COL24A1: variants seen among roughly 807,000 people sequenced by gnomAD.
The protein encoded by COL24A1 is collagen alpha-1(XXIV) chain.
In COL24A1, 224 loss-of-function variants were observed where a neutral mutation model predicts 253.9. That is an observed-to-expected ratio of 0.88 (90% CI 0.79 to 0.99). The LOEUF is 0.99. Ranked by LOEUF, COL24A1 falls within the 50% of genes least tolerant of loss-of-function variation. COL24A1 has a pLI of 0.00. For synonymous variants in COL24A1, 685 were observed against 673.7 expected (o/e 1.02, Z -0.26); for missense variants, 2,131 against 2,068.5 (o/e 1.03, Z -0.59).
chr1:86,046,728 C>T (rs1571729275), intron 12 of COL24A1, 97 bp downstream of exon 12: 1 of 1,458,004 alleles, frequency 6.9e-7, no homozygotes, highest in Non-Finnish European at 9.5e-7. Context: ...TAAACAACAA[C>T]AAAAAGCAAA....
chr1:85,841,055 C>T (rs1489798960), intron 42 of COL24A1, among the ~76,000 whole-genome samples, 167 bp downstream of exon 42: 3 of 151,998 alleles, frequency 2.0e-5, no homozygotes, highest in Admixed American at 1.3e-4. Flanking sequence ...ATATTAAAGA[C>T]TTTAATATCA....
At chr1:85,747,101 CTTTTTTTTT>C (rs34758363) in intron 55 of COL24A1, among the ~76,000 whole-genome samples, 4 of 111,278 alleles carry the variant, frequency 3.6e-5, no homozygotes, top group East Asian at 2.7e-4. Flanking sequence ...TGAATTATAA[CTTTTTTTTT>C]TTTTTTTTTT....
chr1:85,874,425 A>C (rs1680895951), intron 35 of COL24A1, among the ~76,000 whole-genome samples: 1 of 152,220 alleles, frequency 6.6e-6, no homozygotes, highest in South Asian at 2.1e-4. Context: ...AGTATACCTG[A>C]TTTTGAGAAA....
chr1:85,957,717 T>C (rs1385409703), intron 24 of COL24A1, among the ~76,000 whole-genome samples: 1 of 152,216 alleles, frequency 6.6e-6, no homozygotes, highest in Non-Finnish European at 1.5e-5. Context: ...AGCATCCTCA[T>C]TGGTTATCCT....
At chr1:85,921,948 A>C (rs573251671) in intron 24 of COL24A1, among the ~76,000 whole-genome samples, 1 of 152,218 alleles carries the variant, frequency 6.6e-6, no homozygotes, top group Admixed American at 6.5e-5. Context: ...GCCAACTAGA[A>C]TAAACAATGT....
chr1:85,811,656 A>G (rs915531040), intron 47 of COL24A1, among the ~76,000 whole-genome samples: 45 of 152,184 alleles, frequency 3.0e-4, no homozygotes, highest in Non-Finnish European at 1.8e-4. Context: ...GCATCCTAAC[A>G]TGTGTGACGT....
chr1:85,787,697 G>T (rs777591539), intron 47 of COL24A1, among the ~76,000 whole-genome samples: 4 of 152,158 alleles, frequency 2.6e-5, no homozygotes, highest in Non-Finnish European at 5.9e-5. Flanking sequence ...CTTTATGATA[G>T]AATGATATAT....
chr1:85,935,518 T>A (rs569839307), intron 24 of COL24A1, among the ~76,000 whole-genome samples: 3 of 147,764 alleles, frequency 2.0e-5, no homozygotes, highest in East Asian at 4.2e-4. Flanking sequence ...GTAAGCTAAG[T>A]ATTTATTTGA....
chr1:85,746,997 T>C (rs899486810), intron 55 of COL24A1, among the ~76,000 whole-genome samples: 54 of 152,024 alleles, frequency 3.6e-4, no homozygotes, highest in African/African-American at 1.2e-3. Flanking sequence ...AAACCTAGCA[T>C]AGTGGTTCTC....
chr1:85,803,950 A>T (rs537971566), intron 47 of COL24A1, among the ~76,000 whole-genome samples: 3 of 152,224 alleles, frequency 2.0e-5, no homozygotes, highest in African/African-American at 7.2e-5. Context: ...GGTAATACAT[A>T]TATCTGTGGG....
At chr1:85,911,345 C>T (rs10493777) in intron 25 of COL24A1, 35 bp downstream of exon 25, 539,168 of 1,552,428 alleles carry the variant, frequency 0.35, 97,516 homozygotes, top group East Asian at 0.5. Context: ...GCCTAGATTT[C>T]TTCCTATAAA....
chr1:85,842,051 C>T lies in COL24A1; in HGVS notation c.3570+17G>A. 1 of 1,608,910 alleles carries T rather than the reference C, an allele frequency of 6.2e-7. No homozygotes were observed. The highest frequency in any genetic ancestry group is 8.5e-7 in the Non-Finnish European group (1 of 1,175,968). ...AATGTTTAACTTTAAGATTAAAAAG[C>T]CAATATATACACAAACCTTTTCTCC... On this transcript the variant is annotated intron_variant, in intron 41 of 59. Coordinates refer to ENST00000370571, the MANE Select transcript of COL24A1 (RefSeq NM_152890.7).
chr1:85,988,227 G>C (rs187480356), intron 19 of COL24A1, among the ~76,000 whole-genome samples: 2 of 151,690 alleles, frequency 1.3e-5, no homozygotes, highest in Non-Finnish European at 2.9e-5. Flanking sequence ...GTCCTCAAAG[G>C]CTCTATGAAC....
At chr1:85,842,247 C>A in intron 40 of COL24A1, 93 bp downstream of exon 40, 1 of 1,331,450 alleles carries the variant, frequency 7.5e-7, no homozygotes, top group Non-Finnish European at 1.1e-6. Context: ...AAAGGTTTAT[C>A]AGAGAGATTT....
intron 53 of COL24A1, among the ~76,000 whole-genome samples, chr1:85,766,757 G>A (rs1667423241): frequency 6.6e-6 from 1 of 152,056 alleles, no homozygotes; most frequent in Non-Finnish European, 1.5e-5. Flanking sequence ...TTGGTAAGGA[G>A]AGCACAGTTT....
chr1:86,034,067 CTTAA>C (rs769951599), intron 12 of COL24A1, 144 bp from the exon 13 acceptor site: 89 of 530,830 alleles, frequency 1.7e-4, no homozygotes, highest in Non-Finnish European at 2.5e-4. Flanking sequence ...GCATAACACG[CTTAA>C]TTGATTTTAA....
At chr1:86,036,742 A>G (rs190110028) in intron 12 of COL24A1, among the ~76,000 whole-genome samples, 4 of 152,332 alleles carry the variant, frequency 2.6e-5, no homozygotes, top group Admixed American at 2.6e-4. Context: ...CAAAATACAT[A>G]TCTTTCCTTT....
intron 43 of COL24A1, among the ~76,000 whole-genome samples, chr1:85,828,620 A>G (rs1012438371): frequency 1.4e-5 from 2 of 148,048 alleles, no homozygotes; most frequent in Admixed American, 6.9e-5. Flanking sequence ...TATTGGGTGC[A>G]TATATATTTA....
intron 5 of COL24A1, among the ~76,000 whole-genome samples, chr1:86,104,753 G>C (rs1704790406): frequency 6.6e-6 from 1 of 152,168 alleles, no homozygotes; most frequent in Non-Finnish European, 1.5e-5. Flanking sequence ...CACTGCAATG[G>C]GAGGAGCTAA....
Sources: gnomAD v4.1 joint callset for allele counts (sites outside exome capture counted in the v4.1 genomes callset) on GRCh38, gnomAD v4.1.1 for gene constraint, MANE v1.5 for transcripts, NCBI Gene and HGNC (gene_info 2026-07-23, HGNC 2026-07-21) for gene names.